The following MAPKAP1 variants were observed in gnomAD, a reference collection of about 807,000 sequenced individuals.
MAPKAP1 encodes the protein MAPK associated protein 1, also known as target of rapamycin complex 2 subunit MAPKAP1.
Under a neutral mutation model 65.7 loss-of-function variants are expected in MAPKAP1, and 20 were observed. The observed-to-expected ratio is 0.30, with a 90% CI of 0.21 to 0.44. MAPKAP1 has a LOEUF of 0.44. MAPKAP1 is among the 20% of genes least tolerant of loss of function. MAPKAP1 has a pLI of 1.00. For missense variants in MAPKAP1, 423 were observed against 648.0 expected, an observed-to-expected ratio of 0.65 and a Z score of 3.77; for synonymous variants, 222 against 244.3, an observed-to-expected ratio of 0.91 and a Z score of 0.85.
chr9:125,559,297 T>C (rs1830823807), intron 6 of MAPKAP1: 1 of 173,292 alleles, frequency 5.8e-6, no homozygotes, highest in African/African-American at 2.4e-5. Context: ...ACATTTTCAG[T>C]TAGTGTGTAT....
intron 8 of MAPKAP1, among the ~76,000 whole-genome samples, chr9:125,487,631 A>C (rs1315302657): frequency 1.3e-5 from 2 of 151,782 alleles, no homozygotes; most frequent in African/African-American, 2.4e-5. Context: ...AAAAAAAAAA[A>C]AACCCACACT....
At position 125,447,544 on chromosome 9, in the gene MAPKAP1, C is replaced by A; in HGVS notation, c.1346-2946G>T. 2.2e-6 allele frequency: 1 copy of A among 452,030 alleles called. No individual in the cohort carries two copies. Among genetic ancestry groups the A allele is most frequent in the South Asian group, 1.6e-5 (1 of 64,366 alleles). The allele number at this position is 452,030 out of a possible 1,614,324, so 28.0% of individuals were successfully genotyped here. A position where few individuals can be genotyped will look rare whatever the true frequency, so the allele number is the denominator to read the frequency against. On this transcript the variant is annotated intron_variant, in intron 10 of 11. Coordinates refer to ENST00000265960, the MANE Select transcript of MAPKAP1 (RefSeq NM_001006617.3). The surrounding 1 kb of genome is among the most constrained non-coding windows in gnomAD (Gnocchi z 4.5). Reference sequence around the variant, plus strand: ...CCATGCTGGGCCATAGGACATGGGGCGGACTCACTCCGCGGGCGTTTCTGC... The same window carrying A: ...CCATGCTGGGCCATAGGACATGGGGAGGACTCACTCCGCGGGCGTTTCTGC...
chr9:125,527,400 T>C (rs969821398), intron 7 of MAPKAP1, among the ~76,000 whole-genome samples: 1 of 152,200 alleles, frequency 6.6e-6, no homozygotes, highest in Non-Finnish European at 1.5e-5. Context: ...AATAATGCTG[T>C]TAAGTCCTAT....
chr9:125,693,710 C>CAT (rs367932121), intron 1 of MAPKAP1, among the ~76,000 whole-genome samples: 2 of 130,052 alleles, frequency 1.5e-5, no homozygotes, highest in East Asian at 2.2e-4. Context: ...TATATATACA[C>CAT]ATATATACAC....
chr9:125,546,091 C>A (rs1830414165), intron 6 of MAPKAP1, among the ~76,000 whole-genome samples: 4 of 152,196 alleles, frequency 2.6e-5, no homozygotes, highest in Admixed American at 2.6e-4. Flanking sequence ...TCTCCATCTT[C>A]CTTTACAGCC....
chr9:125,463,439 C>T (rs977796360), intron 10 of MAPKAP1, among the ~76,000 whole-genome samples: 3 of 152,190 alleles, frequency 2.0e-5, no homozygotes, highest in Non-Finnish European at 4.4e-5. Flanking sequence ...AAATTAAATA[C>T]ACTACTTTAC....
chr9:125,505,169 C>T (rs1029193733), intron 8 of MAPKAP1, among the ~76,000 whole-genome samples: 2 of 152,256 alleles, frequency 1.3e-5, no homozygotes, highest in African/African-American at 2.4e-5. Flanking sequence ...CGGTGGCTCA[C>T]GCCTGTAATC....
At chr9:125,541,050 G>A (rs897026979) in intron 7 of MAPKAP1, among the ~76,000 whole-genome samples, 1 of 152,074 alleles carries the variant, frequency 6.6e-6, no homozygotes, top group Non-Finnish European at 1.5e-5. Context: ...TTAAGAAAAC[G>A]GACAGTAATT....
chr9:125,485,797 G>A (rs1225299447), intron 8 of MAPKAP1, among the ~76,000 whole-genome samples: 2 of 152,148 alleles, frequency 1.3e-5, no homozygotes, highest in Admixed American at 1.3e-4. Flanking sequence ...AGCTGCGGCC[G>A]CAACTCCTAG....
chr9:125,468,385 A>G (rs752004441), intron 9 of MAPKAP1, among the ~76,000 whole-genome samples: 14 of 152,240 alleles, frequency 9.2e-5, no homozygotes, highest in Non-Finnish European at 1.9e-4. Context: ...AAGCCTTCTT[A>G]GATATAACAT....
rs1398434470 is a variant in MAPKAP1, at chr9:125,595,054, A to G, written c.499-9327T>C. Among the ~76,000 whole-genome samples the G allele has an allele frequency of 6.6e-6, 1 of 152,274 alleles. No individual in the cohort carries two copies. The highest frequency in any genetic ancestry group is 1.5e-5 in the Non-Finnish European group (1 of 68,040). On this transcript the variant is annotated intron_variant, in intron 4 of 11. Coordinates refer to ENST00000265960, the MANE Select transcript of MAPKAP1 (RefSeq NM_001006617.3). The surrounding 1 kb of genome is among the most constrained non-coding windows in gnomAD (Gnocchi z 4.0). ...GATTTAAACACTTGCATTATATTAT[A>G]GCATATGGTGGTACCACCTATTCTC...
intron 6 of MAPKAP1, among the ~76,000 whole-genome samples, chr9:125,554,793 T>C (rs1028975095): frequency 5.9e-4 from 14 of 23,732 alleles, no homozygotes; most frequent in African/African-American, 3.0e-3. Flanking sequence ...AAGACACTTA[T>C]CAAAAAAAAA....
intron 7 of MAPKAP1, among the ~76,000 whole-genome samples, chr9:125,523,121 C>T (rs756348719): frequency 6.6e-6 from 1 of 152,198 alleles, no homozygotes; most frequent in Non-Finnish European, 1.5e-5. Context: ...AAAAACAGGG[C>T]TTCCTTTTTA....
At chr9:125,464,204 T>TTAAAAAAAAAAAAAAAAAAAA (rs1554805633) in intron 10 of MAPKAP1, among the ~76,000 whole-genome samples, 1 of 83,300 alleles carries the variant, frequency 1.2e-5, no homozygotes, top group Non-Finnish European at 2.3e-5. Context: ...TCTCATATAT[T>TTAAAAAAAAAAAAAAAAAAAA]AAAAAAAAAA....
intron 10 of MAPKAP1, among the ~76,000 whole-genome samples, chr9:125,458,029 T>G (rs1175362431): frequency 6.6e-6 from 1 of 152,222 alleles, no homozygotes; most frequent in Non-Finnish European, 1.5e-5. Flanking sequence ...TGCGAAAATC[T>G]GGAGAAAAGC....
At chr9:125,693,582 T>TAC in intron 1 of MAPKAP1, among the ~76,000 whole-genome samples, 2 of 149,030 alleles carry the variant, frequency 1.3e-5, no homozygotes, top group South Asian at 4.3e-4. Context: ...CACACACATA[T>TAC]ATACACGTAT....
At chr9:125,536,878 G>T (rs1830089198) in intron 7 of MAPKAP1, among the ~76,000 whole-genome samples, 1 of 152,198 alleles carries the variant, frequency 6.6e-6, no homozygotes, top group South Asian at 2.1e-4. Flanking sequence ...GCTTAGGACA[G>T]GTGTATGTTG....
chr9:125,625,789 C>T (rs1833100596), intron 4 of MAPKAP1, among the ~76,000 whole-genome samples: 1 of 152,040 alleles, frequency 6.6e-6, no homozygotes, highest in Admixed American at 6.6e-5. Flanking sequence ...AGTGAGACTC[C>T]ATCTCAAAAA....
At chr9:125,462,449 A>AT (rs1397164756) in intron 10 of MAPKAP1, among the ~76,000 whole-genome samples, 2 of 152,240 alleles carry the variant, frequency 1.3e-5, no homozygotes, top group African/African-American at 4.8e-5. Flanking sequence ...TGCAGCTGGA[A>AT]TGCCAGTTTA....
Sources: allele counts gnomAD v4.1 joint callset (sites outside exome capture counted in the v4.1 genomes callset), GRCh38; gene constraint gnomAD v4.1.1; non-coding constraint Gnocchi (gnomAD v3.1); transcripts MANE v1.5; gene names NCBI Gene and HGNC (gene_info 2026-07-23, HGNC 2026-07-21).